CDKL5: variants seen among roughly 807,000 people sequenced by gnomAD.
CDKL5 encodes cyclin-dependent kinase-like 5.
In CDKL5, 8 loss-of-function variants were observed where a neutral mutation model predicts 61.7. The ratio of observed to expected loss-of-function variants is 0.13; its 90% CI spans 0.08 to 0.23. The LOEUF is 0.23. CDKL5 is among the 10% of genes least tolerant of loss of function. The probability of loss-of-function intolerance (pLI) is 1.00; values close to 1 mark genes in which losing one functional copy is unlikely to be tolerated. For synonymous variants in CDKL5, 275 were observed against 272.3 expected, an observed-to-expected ratio of 1.01 and a Z score of -0.10; for missense variants, 440 against 734.5, an observed-to-expected ratio of 0.60 and a Z score of 4.63.
rs138193025 is a variant in CDKL5 at position 18,489,205 on chromosome X, G to A, written c.-162-17730G>A. On this transcript the variant is annotated intron_variant, in intron 1 of 17. Transcript: ENST00000623535. ...ATGATCTTGGCTCACTGCAACCTCC[G>A]CCTCCCAGGTTCAAGCAATTCTCGT... Among the ~76,000 whole-genome samples, 4 of 110,770 alleles carry A rather than the reference G, an allele frequency of 3.6e-5. No homozygotes were observed. The East Asian group carries it at 1.2e-3, about 32-fold the overall frequency.
At chrX:18,438,840 T>A (rs1394683249) in intron 1 of CDKL5, among the ~76,000 whole-genome samples, 7 of 107,367 alleles carry the variant, frequency 6.5e-5, no homozygotes, top group Non-Finnish European at 1.4e-4. Flanking sequence ...CATATAAAGC[T>A]GGGAGAATTG....
At chrX:18,622,437 C>T (rs1330501646) in intron 16 of CDKL5, among the ~76,000 whole-genome samples, 2 of 112,054 alleles carry the variant, frequency 1.8e-5, no homozygotes, top group Admixed American at 9.5e-5. Context: ...CCTTCCAAAC[C>T]TCAGAGTCCT....
intron 10 of CDKL5, among the ~76,000 whole-genome samples, 199 bp downstream of exon 10, chrX:18,595,627 A>G (rs774209541): frequency 2.7e-5 from 3 of 112,271 alleles, no homozygotes; most frequent in African/African-American, 6.5e-5. Context: ...CAGTCCATCT[A>G]GACAGAATCA....
rs936262761 is a variant in CDKL5, at chrX:18,634,081, C to G, written c.*5324C>G. On this transcript the variant is annotated 3_prime_UTR_variant, in exon 18 of 18. Transcript: ENST00000623535. ...TCCCACAAGGTTAAGCTCTCGAAAC[C>G]CCATTTGATCCTTGGTTCCTATTTC... 10 of 752,133 alleles carry G rather than the reference C, an allele frequency of 1.3e-5. 1 individual carries two copies. The African/African-American group carries it at 2.3e-4, about 17-fold the overall frequency. The allele number at this position is 752,133 out of a possible 1,213,427, so 62.0% of individuals were successfully genotyped here. A position where few individuals can be genotyped will look rare whatever the true frequency, so the allele number is the denominator to read the frequency against.
intron 1 of CDKL5, among the ~76,000 whole-genome samples, chrX:18,504,607 A>G (rs1168922023): frequency 8.9e-6 from 1 of 111,733 alleles, no homozygotes; most frequent in Non-Finnish European, 1.9e-5. Context: ...GACAATACTT[A>G]CCCACATCAC....
At chrX:18,552,891 G>T (rs1924448160) in intron 3 of CDKL5, among the ~76,000 whole-genome samples, 1 of 111,592 alleles carries the variant, frequency 9.0e-6, no homozygotes, top group African/African-American at 3.3e-5. Flanking sequence ...CTGCCATGTG[G>T]AGCAGCTGCG....
chrX:18,442,977 G>T lies in CDKL5; in HGVS notation c.-163+17282G>T, dbSNP rs1034216530. On this transcript the variant is annotated intron_variant, in intron 1 of 17. Transcript: ENST00000623535. The stretch of plus-strand genomic sequence containing the variant: ...CTGAATAAGACCAAGAGTTTGGAAT[G>T]ATTTACTCCTTAACCGTCAGCCCCT... 9.0e-5 allele frequency among the ~76,000 whole-genome samples: 10 copies of T among 111,649 alleles called. No individual in the cohort carries two copies. The Admixed American group carries it at 9.6e-4, about 11-fold the overall frequency.
rs1245157930 is a variant in CDKL5 at position 18,630,271 on chromosome X, C to G, written c.*1514C>G. 1.3e-6 allele frequency: 1 copy of G among 751,393 alleles called. No homozygotes were observed. The highest frequency in any genetic ancestry group is 2.3e-5 in the African/African-American group (1 of 42,856). The allele number at this position is 751,393 out of a possible 1,213,427, so 61.9% of individuals were successfully genotyped here. A position where few individuals can be genotyped will look rare whatever the true frequency, so the allele number is the denominator to read the frequency against. Reference sequence around the variant, plus strand: ...CTCCCAAGTTACTCCCAAGTATCATCAAACCCTTTGGCCATCAAGTGTTAT... The same window carrying G: ...CTCCCAAGTTACTCCCAAGTATCATGAAACCCTTTGGCCATCAAGTGTTAT... On this transcript the variant is annotated 3_prime_UTR_variant, in exon 18 of 18. Transcript: ENST00000623535.
At chrX:18,507,330 C>T (rs750067091) in intron 2 of CDKL5, among the ~76,000 whole-genome samples, 170 bp downstream of exon 2, 3 of 111,123 alleles carry the variant, frequency 2.7e-5, no homozygotes, top group South Asian at 7.5e-4. Flanking sequence ...TTGGGTCTCA[C>T]TCTCCAATAA....
Position 18,635,736 on chromosome X carries a change from A to G in CDKL5, c.*6979A>G, listed in dbSNP as rs143913760. On this transcript the variant is annotated 3_prime_UTR_variant, in exon 18 of 18. Transcript: ENST00000623535. ...TTGAGGAGGATGGGAAGAGAGGCCA[A>G]TCTTGTGCTAAGTGCTATGGAGAAA... The G allele has an allele frequency of 7.8e-4, 289 of 368,608 alleles. No homozygotes were observed. Among genetic ancestry groups the G allele is most frequent in the Non-Finnish European group, 8.9e-4 (257 of 288,171 alleles). 30.4% of individuals were successfully genotyped at this position (368,608 alleles called of 1,213,427 possible).
At position 18,625,124 on chromosome X, in the gene CDKL5, C is replaced by G. The variant is rs1220635911; in HGVS notation, c.2377-4C>G. ...ATTGAATGCTTGTCCATATTTTGCTCTAGGTACCCAATTCCGACAGCCCTG... is the reference window on the plus strand; with the variant it reads ...ATTGAATGCTTGTCCATATTTTGCTGTAGGTACCCAATTCCGACAGCCCTG... On this transcript the variant is annotated splice_region_variant and splice_polypyrimidine_tract_variant and intron_variant, in intron 16 of 17. Coordinates refer to ENST00000623535, the MANE Select transcript of CDKL5 (RefSeq NM_001323289.2). 2.5e-6 allele frequency: 3 copies of G among 1,207,761 alleles called. No homozygotes were observed. Among genetic ancestry groups the G allele is most frequent in the African/African-American group, 3.5e-5 (2 of 57,444 alleles).
At chrX:18,428,723 GTT>G (rs150749996) in intron 1 of CDKL5, among the ~76,000 whole-genome samples, 6 of 91,346 alleles carry the variant, frequency 6.6e-5, no homozygotes, top group Admixed American at 2.4e-4. Context: ...AGATTTTAAA[GTT>G]TTTTTTTTTT....
rs1366978266 is a variant in CDKL5, at chrX:18,639,746, T to C, written c.*10989T>C. Among the ~76,000 whole-genome samples, 1 of 112,122 alleles carries C rather than the reference T, an allele frequency of 8.9e-6. No homozygotes were observed. The highest frequency in any genetic ancestry group is 1.9e-5 in the Non-Finnish European group (1 of 53,255). On this transcript the variant is annotated 3_prime_UTR_variant, in exon 18 of 18. Transcript: ENST00000623535. ...AATAGCTAAAGAGTGGAAACCCAAA[T>C]ATCCATCAATGGATGAATGGATAAA...
intron 1 of CDKL5, among the ~76,000 whole-genome samples, chrX:18,428,473 G>C (rs1338535600): frequency 9.0e-6 from 1 of 111,567 alleles, no homozygotes; most frequent in African/African-American, 3.3e-5. Context: ...TAGATATTAG[G>C]TATGCTAACA....
rs1039035577 is a variant in CDKL5 at position 18,635,786 on chromosome X, G to T, written c.*7029G>T. The T allele has an allele frequency of 4.9e-5, 9 of 182,600 alleles. No individual in the cohort carries two copies. The highest frequency in any genetic ancestry group is 2.6e-4 in the South Asian group (1 of 3,878). The allele number at this position is 182,600 out of a possible 1,213,427, so 15.0% of individuals were successfully genotyped here. ...AGCAAAGATGCACAGCTTAATAAGG[G>T]TTTTTTGATTCTAGAGGAGAGGTGG... On this transcript the variant is annotated 3_prime_UTR_variant, in exon 18 of 18. Coordinates refer to ENST00000623535, the MANE Select transcript of CDKL5 (RefSeq NM_001323289.2).
chrX:18,435,550 G>A (rs1047258990), intron 1 of CDKL5, among the ~76,000 whole-genome samples: 2 of 110,819 alleles, frequency 1.8e-5, no homozygotes, highest in African/African-American at 6.6e-5. Context: ...AATGTAAGTA[G>A]GCCCTGCCCT....
At chrX:18,601,771 T>C (rs1926186438) in intron 11 of CDKL5, among the ~76,000 whole-genome samples, 1 of 112,606 alleles carries the variant, frequency 8.9e-6, no homozygotes, top group Non-Finnish European at 1.9e-5. Context: ...AAGATCCACA[T>C]GTACGTTTCT....
intron 17 of CDKL5, among the ~76,000 whole-genome samples, chrX:18,626,003 A>G (rs1237212053): frequency 9.1e-6 from 1 of 110,114 alleles, no homozygotes; most frequent in Non-Finnish European, 1.9e-5. Context: ...TTGAGGCTAT[A>G]GGATTACTTG....
chrX:18,464,697 T>C (rs918503877), intron 1 of CDKL5, among the ~76,000 whole-genome samples: 1 of 111,526 alleles, frequency 9.0e-6, no homozygotes, highest in Non-Finnish European at 1.9e-5. Flanking sequence ...ACATAAACAT[T>C]GCAAAACCCC....
Sources: allele counts gnomAD v4.1 joint callset (sites outside exome capture counted in the v4.1 genomes callset), GRCh38; gene constraint gnomAD v4.1.1; transcripts MANE v1.5; gene names NCBI Gene and HGNC (gene_info 2026-07-23, HGNC 2026-07-21).